XKRX: variants seen among roughly 807,000 people sequenced by gnomAD.
The protein encoded by XKRX is XK related X-linked, also known as XK-related protein 2.
XKRX carries 11 observed loss-of-function variants against 22.4 expected under a neutral mutation model. The ratio of observed to expected loss-of-function variants is 0.49; its 90% CI spans 0.31 to 0.81. XKRX has a LOEUF of 0.81. Among genes scored for constraint, XKRX ranks in the 40% least tolerant of loss-of-function variants. The probability of loss-of-function intolerance (pLI) is 0.05; values close to 1 mark genes in which losing one functional copy is unlikely to be tolerated. For missense variants in XKRX, 320 were observed against 336.5 expected (o/e 0.95, Z 0.38); for synonymous variants, 114 against 132.2 (o/e 0.86, Z 0.94).
At chrX:100,901,705 T>C in the XKRX span, among the ~76,000 whole-genome samples, 7 of 111,992 alleles carry the variant, frequency 6.3e-5, no homozygotes, top group African/African-American at 2.3e-4. Flanking sequence ...TTCATCAAGA[T>C]ATCACATTTT....
At chrX:100,935,896 G>A in the XKRX span, among the ~76,000 whole-genome samples, 1 of 111,223 alleles carries the variant, frequency 9.0e-6, no homozygotes, top group African/African-American at 3.3e-5. Flanking sequence ...CTAGGGAGGT[G>A]ATCTGGTAAT....
At chrX:100,894,411 G>T in the XKRX span, among the ~76,000 whole-genome samples, 1 of 111,745 alleles carries the variant, frequency 8.9e-6, no homozygotes, top group Non-Finnish European at 1.9e-5. Context: ...AAACCTGAGG[G>T]TGAAGAAGCA....
At chrX:100,950,996 G>T in the XKRX span, among the ~76,000 whole-genome samples, 28 of 110,241 alleles carry the variant, frequency 2.5e-4, no homozygotes, top group Admixed American at 1.1e-3. Context: ...ACTTTGGGAG[G>T]CCAAGGCAGG....
intron 2 of XKRX, among the ~76,000 whole-genome samples, chrX:100,917,851 A>G (rs1205696233): frequency 9.1e-6 from 1 of 109,743 alleles, no homozygotes; most frequent in African/African-American, 3.4e-5. Flanking sequence ...CATTACCCCC[A>G]TATGTTAGGA....
intron 2 of XKRX, among the ~76,000 whole-genome samples, chrX:100,918,915 T>C (rs766246579): frequency 1.8e-5 from 2 of 111,270 alleles, no homozygotes; most frequent in South Asian, 7.6e-4. Context: ...GATACTATCC[T>C]GCTACTTAGA....
chrX:100,898,922 GC>G, the XKRX span, among the ~76,000 whole-genome samples: 1 of 110,714 alleles, frequency 9.0e-6, no homozygotes, highest in African/African-American at 3.3e-5. Context: ...AGACTTCATG[GC>G]CACATGTAGC....
chrX:100,911,880 C>A (rs2085408197), downstream of XKRX, among the ~76,000 whole-genome samples: 1 of 111,335 alleles, frequency 9.0e-6, no homozygotes, highest in Non-Finnish European at 1.9e-5. Flanking sequence ...AGAAACTACT[C>A]CACACCCCTA....
At chrX:100,937,489 C>T in the XKRX span, among the ~76,000 whole-genome samples, 1 of 112,081 alleles carries the variant, frequency 8.9e-6, no homozygotes, top group South Asian at 3.7e-4. Flanking sequence ...AGAAGGACTA[C>T]TTGCAGACTC....
chrX:100,890,648 G>C, the XKRX span, among the ~76,000 whole-genome samples: 1 of 110,348 alleles, frequency 9.1e-6, no homozygotes, highest in South Asian at 3.9e-4. Context: ...TTATTGCTGT[G>C]TTACAAATTA....
chrX:100,931,145 AT>A (rs1227395104), upstream of XKRX, among the ~76,000 whole-genome samples: 13 of 87,433 alleles, frequency 1.5e-4, no homozygotes, highest in African/African-American at 4.7e-4. Flanking sequence ...AAAAATAAAA[AT>A]TAAAAATAAA....
At chrX:100,910,743 T>C, downstream of XKRX, 9 of 719,352 alleles carry the variant, frequency 1.3e-5, no homozygotes, top group Non-Finnish European at 1.9e-5. Context: ...AATTACACTG[T>C]AAACGCTATG....
At chrX:100,889,239 CAAAAAAA>C in the XKRX span, among the ~76,000 whole-genome samples, 1 of 53,266 alleles carries the variant, frequency 1.9e-5, no homozygotes, top group Admixed American at 2.3e-4. Flanking sequence ...GACTCTATCT[CAAAAAAA>C]AAAAAAAAAG....
At chrX:100,937,360 C>T in the XKRX span, among the ~76,000 whole-genome samples, 1 of 111,743 alleles carries the variant, frequency 8.9e-6, no homozygotes, top group Admixed American at 9.6e-5. Context: ...CTAGTCAGCT[C>T]TTATCACTAA....
the XKRX span, among the ~76,000 whole-genome samples, chrX:100,942,871 G>A: frequency 9.0e-6 from 1 of 110,795 alleles, no homozygotes. Flanking sequence ...TAGACAGGGG[G>A]TCTGAATGTG....
chrX:100,910,616 A>C, downstream of XKRX: 2 of 266,920 alleles, frequency 7.5e-6, no homozygotes, highest in Non-Finnish European at 6.5e-6. Context: ...TTCAGAGAGG[A>C]CTGTGCGGCC....
chrX:100,911,984 T>G (rs1238465171), downstream of XKRX, among the ~76,000 whole-genome samples: 12 of 111,641 alleles, frequency 1.1e-4, no homozygotes, highest in Admixed American at 3.8e-4. Flanking sequence ...GAGGCACACT[T>G]TTTGCCCTGT....
the XKRX span, among the ~76,000 whole-genome samples, chrX:100,895,040 T>C: frequency 1.8e-5 from 2 of 111,961 alleles, no homozygotes; most frequent in African/African-American, 6.5e-5. Context: ...AGAGTGTGGA[T>C]TAAAACTAAT....
chrX:100,917,128 G>GA (rs1170459937), intron 2 of XKRX, among the ~76,000 whole-genome samples: 8 of 107,120 alleles, frequency 7.5e-5, no homozygotes, highest in African/African-American at 2.7e-4. Flanking sequence ...CAAAAAGAAA[G>GA]AAAAAAAAAT....
the XKRX span, among the ~76,000 whole-genome samples, chrX:100,905,514 A>C: frequency 8.9e-6 from 1 of 112,196 alleles, no homozygotes; most frequent in Non-Finnish European, 1.9e-5. Flanking sequence ...ACAAAATCTA[A>C]ATGTTGCAAA....
Sources: gnomAD v4.1 joint callset for allele counts (sites outside exome capture counted in the v4.1 genomes callset) on GRCh38, gnomAD v4.1.1 for gene constraint, MANE v1.5 for transcripts, NCBI Gene and HGNC (gene_info 2026-07-23, HGNC 2026-07-21) for gene names.